Variants in CYP26A1 observed in about 807,000 individuals in gnomAD.
CYP26A1 encodes the protein cytochrome P450 family 26 subfamily A member 1, also known as cytochrome P450 26A1.
In CYP26A1, 46 loss-of-function variants were observed where a neutral mutation model predicts 47.4. That is an observed-to-expected ratio of 0.97 (90% CI 0.77 to 1.24). The LOEUF (loss-of-function observed/expected upper bound fraction) is 1.24. CYP26A1 is among the 50% of genes most tolerant of loss of function. The pLI, the probability that CYP26A1 is intolerant of heterozygous loss-of-function variation, is 0.00. For missense variants in CYP26A1, 680 were observed against 644.4 expected (o/e 1.06, Z -0.60); for synonymous variants, 277 against 263.7 (o/e 1.05, Z -0.49).
Position 93,075,238 on chromosome 10 carries a change from G to T in CYP26A1, c.795G>T (p.Gln265His). The T allele has an allele frequency of 6.2e-7, 1 of 1,614,046 alleles. No individual in the cohort carries two copies. The part of the protein sequence containing the change: ...ICGLRASEAG[Q>H]GCKDALQLLI... ...GGCTGCGGGCATCCGAGGCGGGCCA[G>T]GGCTGCAAAGACGCGCTGCAGCTGT... The change falls in exon 4 of 7, where the codon CAG becomes CAT. Residue 265 changes from glutamine to histidine, a missense_variant. Transcript: ENST00000224356.
chr10:93,075,132 G>C lies in CYP26A1; in HGVS notation c.706-17G>C, dbSNP rs371647257. ...GACCTGGGCGTCTGCTCACCGCCGC[G>C]CGCTCTCTGCGCTCAGGGCATGAAG... On this transcript the variant is annotated splice_polypyrimidine_tract_variant and intron_variant, in intron 3 of 6. Coordinates refer to ENST00000224356, the MANE Select transcript of CYP26A1 (RefSeq NM_000783.4). 6 of 1,611,440 alleles carry C rather than the reference G, an allele frequency of 3.7e-6. No homozygotes were observed. Among genetic ancestry groups the C allele is most frequent in the Non-Finnish European group, 5.1e-6 (6 of 1,178,690 alleles).
intron 5 of CYP26A1, 29 bp from the exon 6 acceptor site, chr10:93,076,515 T>C: frequency 6.5e-7 from 1 of 1,533,140 alleles, no homozygotes; most frequent in Non-Finnish European, 8.9e-7. Flanking sequence ...ACAAAATAAC[T>C]GTTCACCTCT....
rs1431969834 is a variant in CYP26A1, at chr10:93,076,987, A to C, written c.1177A>C (p.Asn393His). ...GGGATACCAGATTCCCAAGGGCTGG[A>C]ATGTTATCTACAGTATCTGTGATAC... is the stretch of plus-strand genomic sequence containing the variant. ...LNGYQIPKGW[N>H]VIYSICDTHD... is the part of the protein sequence containing the mutation. Residue 393 changes from asparagine (N) to histidine (H), a missense_variant, in exon 7 of 7, where the codon AAT becomes CAT. By Grantham distance (68) the Asn-to-His change is moderately conservative. Transcript: ENST00000224356. The C allele has an allele frequency of 3.1e-6, 5 of 1,602,594 alleles. No homozygotes were observed. The highest frequency in any genetic ancestry group is 2.2e-5 in the East Asian group (1 of 44,674).
rs1014855726 is a variant in CYP26A1 at position 93,075,940 on chromosome 10, C to G, written c.979C>G (p.Arg327Gly). The G allele has an allele frequency of 1.9e-6, 3 of 1,612,526 alleles. No individual in the cohort carries two copies. The South Asian group carries it at 3.3e-5, about 18-fold the overall frequency. The change falls in exon 5 of 7, where the codon CGA (arginine) becomes GGA (glycine). Residue 327 changes from arginine (R) to glycine (G), a missense_variant. Transcript: ENST00000224356. ...GLYPHVLQKV[R>G]EELKSKGLLC... ...CTACCCACATGTTCTCCAGAAAGTG[C>G]GAGAAGAGCTGAAGAGTAAGGTAGG...
chr10:93,076,961 A>G lies in CYP26A1; in HGVS notation c.1153-2A>G. On this transcript the variant is annotated splice_acceptor_variant, in intron 6 of 6. Coordinates refer to ENST00000224356, the MANE Select transcript of CYP26A1 (RefSeq NM_000783.4). LOFTEE classifies it high-confidence loss of function. ...CCCTTGGGGTTTCATAATCTTTTGC[A>G]GGGATACCAGATTCCCAAGGGCTGG... is the stretch of plus-strand genomic sequence containing the variant. 6.4e-7 allele frequency: 1 copy of G among 1,561,002 alleles called. No homozygotes were observed. The highest frequency in any genetic ancestry group is 2.3e-5 in the East Asian group (1 of 44,302).
Position 93,077,459 on chromosome 10 carries a change from A to C in CYP26A1, c.*155A>C. ...CAATCTTTAAATATTAAAATAATGA[A>C]TTTGTATCATTTCCAAATAAAGTAA... On this transcript the variant is annotated 3_prime_UTR_variant, in exon 7 of 7. Coordinates refer to ENST00000224356, the MANE Select transcript of CYP26A1 (RefSeq NM_000783.4). 1 of 400,396 alleles carries C rather than the reference A, an allele frequency of 2.5e-6. No individual in the cohort carries two copies. Among genetic ancestry groups the C allele is most frequent in the Non-Finnish European group, 4.3e-6 (1 of 230,878 alleles). The allele number at this position is 400,396 out of a possible 1,614,324, so 24.8% of individuals were successfully genotyped here.
chr10:93,074,738 C>G lies in CYP26A1; in HGVS notation c.415-41C>G. 3 of 1,521,192 alleles carry G rather than the reference C, an allele frequency of 2.0e-6. No individual in the cohort carries two copies. The highest frequency in any genetic ancestry group is 4.5e-5 in the East Asian group (2 of 44,254). 94.2% of individuals were successfully genotyped at this position (1,521,192 alleles called of 1,614,324 possible). A position where few individuals can be genotyped will look rare whatever the true frequency, so the allele number is the denominator to read the frequency against. On this transcript the variant is annotated intron_variant, in intron 2 of 6. Coordinates refer to ENST00000224356, the MANE Select transcript of CYP26A1 (RefSeq NM_000783.4). This position sits in a 1 kb window ranked among gnomAD's most constrained non-coding sequence, Gnocchi z 5.3. ...AGGGGACGGCGGTAGACGAGAGGGG[C>G]GGATGGAGGCTTTTAACGCTGTCCC...
rs755058456 is a variant in CYP26A1 at position 93,077,268 on chromosome 10, C to T, written c.1458C>T (p.Leu486=). The T allele has an allele frequency of 1.4e-5, 22 of 1,557,624 alleles. No homozygotes were observed. Among genetic ancestry groups the T allele is most frequent in the Non-Finnish European group, 1.8e-5 (21 of 1,150,354 alleles). Residue 486 remains leucine, a synonymous_variant, in exon 7 of 7, where the codon CTC becomes CTT. Coordinates refer to ENST00000224356, the MANE Select transcript of CYP26A1 (RefSeq NM_000783.4). The part of the protein sequence containing the change: ...TSPTVYPVDN[L]PARFTHFHGE... ...CCACCGTGTATCCTGTGGACAATCTCCCTGCAAGATTCACCCATTTCCATG... is the reference window on the plus strand; with the variant it reads ...CCACCGTGTATCCTGTGGACAATCTTCCTGCAAGATTCACCCATTTCCATG...
rs1846957820 is a variant in CYP26A1 at position 93,075,062 on chromosome 10, T to C, written c.698T>C (p.Leu233Pro). Residue 233 changes from leucine (L) to proline (P), a missense_variant, in exon 3 of 7, where the codon CTG (leucine) becomes CCG (proline). By Grantham distance (98) the Leu-to-Pro change is moderately conservative. Transcript: ENST00000224356. ...SLPIDVPFSG[L>P]YRGMKARNLI... ...CCCATCGACGTGCCCTTCAGCGGGC[T>C]GTACCGGGTAAGGGCGGCAAACGGG... is the stretch of plus-strand genomic sequence containing the variant. The C allele has an allele frequency of 6.2e-7, 1 of 1,612,684 alleles. No homozygotes were observed. The highest frequency in any genetic ancestry group is 1.3e-5 in the African/African-American group (1 of 75,066).
chr10:93,073,931 C>T lies in CYP26A1; in HGVS notation c.-4C>T, dbSNP rs374478271. ...GCAGGTGGCGCGGGAGGTCGCGGCG[C>T]GCCATGGGGCTCCCGGCGCTGCTGG... On this transcript the variant is annotated 5_prime_UTR_variant, in exon 1 of 7. Coordinates refer to ENST00000224356, the MANE Select transcript of CYP26A1 (RefSeq NM_000783.4). The T allele has an allele frequency of 1.1e-3, 1,079 of 941,470 alleles. 4 individuals are homozygous for T. The highest frequency in any genetic ancestry group is 1.6e-3 in the Non-Finnish European group (962 of 585,830). The allele number at this position is 941,470 out of a possible 1,614,324, so 58.3% of individuals were successfully genotyped here. A position where few individuals can be genotyped will look rare whatever the true frequency, so the allele number is the denominator to read the frequency against.
At position 93,075,311 on chromosome 10, in the gene CYP26A1, A is replaced by C. The variant is rs1196582675; in HGVS notation, c.864+4A>C. ...GGGAGAGCGGCTGGACATGCAGGTG[A>C]GTAGCAGCTTCAGACCAGGCACTGC... On this transcript the variant is annotated splice_donor_region_variant and intron_variant, in intron 4 of 6. Coordinates refer to ENST00000224356, the MANE Select transcript of CYP26A1 (RefSeq NM_000783.4). The C allele has an allele frequency of 6.2e-7, 1 of 1,612,874 alleles. No individual in the cohort carries two copies. The highest frequency in any genetic ancestry group is 1.6e-4 in the Middle Eastern group (1 of 6,076).
In CYP26A1 at chr10:93,075,874, A is replaced by G. The variant is rs74435030; in HGVS notation, c.913A>G (p.Thr305Ala). 5 of 1,610,970 alleles carry G rather than the reference A, an allele frequency of 3.1e-6. No homozygotes were observed. The African/African-American group carries it at 5.3e-5, about 17-fold the overall frequency. Reference sequence around the variant, plus strand: ...ACTCCTCTTTGGAGGACACGAAACCACGGCCAGTGCAGCCACATCTCTGAT... The same window carrying G: ...ACTCCTCTTTGGAGGACACGAAACCGCGGCCAGTGCAGCCACATCTCTGAT... ...TELLFGGHET[T>A]ASAATSLITY... The change falls in exon 5 of 7, where the codon ACG (threonine) becomes GCG (alanine). Residue 305 changes from threonine to alanine, a missense_variant. Coordinates refer to ENST00000224356, the MANE Select transcript of CYP26A1 (RefSeq NM_000783.4).
chr10:93,074,487 C>G lies in CYP26A1; in HGVS notation c.369C>G (p.Gly123=). The change falls in exon 2 of 7, where the codon GGC becomes GGG. Residue 123 remains glycine, a synonymous_variant. Coordinates refer to ENST00000224356, the MANE Select transcript of CYP26A1 (RefSeq NM_000783.4). The surrounding 1 kb of genome is among the most constrained non-coding windows in gnomAD (Gnocchi z 5.3). ...CGGTGCGCACCATTCTGGGATCTGG[C>G]TGCCTCTCTAACCTGCACGACTCCT... ...PASVRTILGS[G]CLSNLHDSSH... 1 of 1,611,706 alleles carries G rather than the reference C, an allele frequency of 6.2e-7. No individual in the cohort carries two copies.
Position 93,073,904 on chromosome 10 carries a change from C to A in CYP26A1, c.-31C>A. 1 of 750,356 alleles carries A rather than the reference C, an allele frequency of 1.3e-6. No homozygotes were observed. The highest frequency in any genetic ancestry group is 2.3e-6 in the Non-Finnish European group (1 of 430,996). 46.5% of individuals were successfully genotyped at this position (750,356 alleles called of 1,614,324 possible). A position where few individuals can be genotyped will look rare whatever the true frequency, so the allele number is the denominator to read the frequency against. ...GTGGGGTTTGAAGCGCTGGCGGCGG[C>A]GGCAGGTGGCGCGGGAGGTCGCGGC... On this transcript the variant is annotated 5_prime_UTR_variant, in exon 1 of 7. Transcript: ENST00000224356.
chr10:93,074,143 G>GGGGGGGGGCC lies in CYP26A1; in HGVS notation c.189+20_189+21insGGGGGGGGCC. 1 of 483,684 alleles carries GGGGGGGGGCC rather than the reference G, an allele frequency of 2.1e-6. No individual in the cohort carries two copies. Among genetic ancestry groups the GGGGGGGGGCC allele is most frequent in the Non-Finnish European group, 4.1e-6 (1 of 246,492 alleles). 30.0% of individuals were successfully genotyped at this position (483,684 alleles called of 1,614,324 possible). On this transcript the variant is annotated intron_variant, in intron 1 of 6. Coordinates refer to ENST00000224356, the MANE Select transcript of CYP26A1 (RefSeq NM_000783.4). The surrounding 1 kb of genome is among the most constrained non-coding windows in gnomAD (Gnocchi z 5.3). ...CTGCAGGTAAGGGAGGGTGGGGCGGGACAGGCTGCTTCCCCGGAGCCCGGC... is the reference window on the plus strand; with the variant it reads ...CTGCAGGTAAGGGAGGGTGGGGCGGGGGGGGGGGCCACAGGCTGCTTCCCCGGAGCCCGGC...
chr10:93,073,895 T>C lies in CYP26A1; in HGVS notation c.-40T>C. On this transcript the variant is annotated 5_prime_UTR_variant, in exon 1 of 7. Transcript: ENST00000224356. ...GGCAGCGCCGTGGGGTTTGAAGCGCTGGCGGCGGCGGCAGGTGGCGCGGGA... is the reference window on the plus strand; with the variant it reads ...GGCAGCGCCGTGGGGTTTGAAGCGCCGGCGGCGGCGGCAGGTGGCGCGGGA... 6 of 721,716 alleles carry C rather than the reference T, an allele frequency of 8.3e-6. No individual in the cohort carries two copies. The South Asian group carries it at 9.4e-5, about 11-fold the overall frequency. 44.7% of individuals were successfully genotyped at this position (721,716 alleles called of 1,614,324 possible). A position where few individuals can be genotyped will look rare whatever the true frequency, so the allele number is the denominator to read the frequency against.
At chr10:93,073,730 G>A, upstream of CYP26A1, 1 of 546,852 alleles carries the variant, frequency 1.8e-6, no homozygotes, top group East Asian at 3.2e-5. Flanking sequence ...GCCTCGGCGC[G>A]GAACAAACGG....
chr10:93,073,769 G>T, upstream of CYP26A1: 1 of 567,972 alleles, frequency 1.8e-6, no homozygotes, highest in Non-Finnish European at 3.1e-6. Flanking sequence ...GCCTCGCGGG[G>T]GGAGGAGCCA....
rs1375938838 is a variant in CYP26A1, at chr10:93,075,821, C to G, written c.865-5C>G. 1.2e-6 allele frequency: 2 copies of G among 1,610,044 alleles called. No individual in the cohort carries two copies. The highest frequency in any genetic ancestry group is 2.2e-5 in the East Asian group (1 of 44,860). ...GTGAGAATGTGGGTCTCACTCTATT[C>G]TTAGGCACTAAAGCAATCTTCAACC... On this transcript the variant is annotated splice_region_variant and splice_polypyrimidine_tract_variant and intron_variant, in intron 4 of 6. Coordinates refer to ENST00000224356, the MANE Select transcript of CYP26A1 (RefSeq NM_000783.4).
Sources: allele counts gnomAD v4.1 joint callset, GRCh38; gene constraint gnomAD v4.1.1; non-coding constraint Gnocchi (gnomAD v3.1); transcripts MANE v1.5; gene names NCBI Gene and HGNC (gene_info 2026-07-23, HGNC 2026-07-21).